DSG1: variants seen among roughly 807,000 people sequenced by gnomAD.
DSG1 encodes the protein desmoglein 1.
Under a neutral mutation model 97.5 loss-of-function variants are expected in DSG1, and 39 were observed. The ratio of observed to expected loss-of-function variants is 0.40; its 90% CI spans 0.31 to 0.52. The LOEUF is 0.52. Among genes scored for constraint, DSG1 ranks in the 20% least tolerant of loss-of-function variants. The pLI, the probability that DSG1 is intolerant of heterozygous loss-of-function variation, is 0.53. For synonymous variants in DSG1, 475 were observed against 443.4 expected (o/e 1.07, Z -0.90); for missense variants, 1,311 against 1,295.4 (o/e 1.01, Z -0.18).
chr18:31,335,530 A>G (rs1354608805), intron 8 of DSG1, among the ~76,000 whole-genome samples: 1 of 150,556 alleles, frequency 6.6e-6, no homozygotes, highest in African/African-American at 2.4e-5. Flanking sequence ...TATATATATT[A>G]TGTGTGTGTA....
intron 9 of DSG1, among the ~76,000 whole-genome samples, chr18:31,337,896 A>AG (rs113933925): frequency 1.3e-5 from 2 of 152,124 alleles, no homozygotes; most frequent in East Asian, 3.8e-4. Flanking sequence ...GAGCAGAAAC[A>AG]GGGGGGAAGT....
Position 31,356,366 on chromosome 18 carries a change from G to A in DSG1, c.*1020G>A, listed in dbSNP as rs1473242000. The A allele has an allele frequency of 2.6e-5, 4 of 151,780 alleles. No homozygotes were observed. In the East Asian group the frequency reaches 7.7e-4, roughly 29 times the overall value. 9.4% of individuals were successfully genotyped at this position (151,780 alleles called of 1,614,324 possible). ...TCTGAAGTTAAAATGATTTACATAG[G>A]CCGAGCTGTGGACAAAAAAAAAAGA... On this transcript the variant is annotated 3_prime_UTR_variant, in exon 15 of 15. Coordinates refer to ENST00000257192, the MANE Select transcript of DSG1 (RefSeq NM_001942.4).
intron 10 of DSG1, 65 bp downstream of exon 10, chr18:31,338,519 AT>A (rs374707566): frequency 7.7e-6 from 12 of 1,552,332 alleles, no homozygotes; most frequent in African/African-American, 6.8e-5. Context: ...AGATATTAAC[AT>A]TTTAACTATC....
intron 8 of DSG1, among the ~76,000 whole-genome samples, chr18:31,335,558 A>AT (rs5823802): frequency 0.41 from 62,547 of 151,196 alleles, 14,161 homozygotes; most frequent in Non-Finnish European, 0.5. Flanking sequence ...TATACTTTTG[A>AT]TTTTACATCC....
At chr18:31,343,611 G>A (rs367953417) in intron 12 of DSG1, 28 bp downstream of exon 12, 23 of 1,613,922 alleles carry the variant, frequency 1.4e-5, no homozygotes, top group Middle Eastern at 3.3e-4. Flanking sequence ...AGAAATAGCC[G>A]TTGGTAGTCA....
chr18:31,336,953 C>T (rs926698471), intron 9 of DSG1, among the ~76,000 whole-genome samples: 20 of 152,138 alleles, frequency 1.3e-4, no homozygotes, highest in African/African-American at 4.3e-4. Context: ...AATGATTTTC[C>T]GATGGCAAAT....
chr18:31,327,031 A>G, intron 3 of DSG1, 26 bp downstream of exon 3: 1 of 1,613,336 alleles, frequency 6.2e-7, no homozygotes, highest in South Asian at 1.1e-5. Context: ...AAAGCATAAC[A>G]TTGAAAATCA....
intron 3 of DSG1, 73 bp from the exon 4 acceptor site, chr18:31,328,116 A>G: frequency 6.6e-7 from 1 of 1,520,536 alleles, no homozygotes; most frequent in Non-Finnish European, 9.0e-7. Flanking sequence ...ACAACTCTCA[A>G]GAAAGCTGTC....
At chr18:31,322,757 C>A (rs975539177) in intron 1 of DSG1, among the ~76,000 whole-genome samples, 1 of 152,106 alleles carries the variant, frequency 6.6e-6, no homozygotes, top group African/African-American at 2.4e-5. Context: ...TAGAATTCAA[C>A]GCTTAGCAAA....
intron 14 of DSG1, among the ~76,000 whole-genome samples, chr18:31,346,612 G>A (rs995538870): frequency 4.6e-5 from 7 of 152,030 alleles, no homozygotes; most frequent in African/African-American, 1.7e-4. Flanking sequence ...ATCCCACTAT[G>A]TCTCTCACAA....
chr18:31,335,408 T>C (rs2071745626), intron 8 of DSG1, among the ~76,000 whole-genome samples: 1 of 152,162 alleles, frequency 6.6e-6, no homozygotes, highest in Non-Finnish European at 1.5e-5. Flanking sequence ...TATATTACTT[T>C]AGAAAATTAT....
chr18:31,331,287 T>C (rs1356146596), intron 5 of DSG1, among the ~76,000 whole-genome samples: 1 of 152,122 alleles, frequency 6.6e-6, no homozygotes, highest in Non-Finnish European at 1.5e-5. Context: ...AGGATGGCAG[T>C]AATATCATCC....
chr18:31,333,934 G>C, intron 7 of DSG1, 83 bp from the exon 8 acceptor site: 1 of 1,170,214 alleles, frequency 8.5e-7, no homozygotes, highest in African/African-American at 1.5e-5. Context: ...AAATAATGAA[G>C]TTATCAACAT....
intron 8 of DSG1, among the ~76,000 whole-genome samples, chr18:31,334,900 G>A (rs138825278): frequency 4.3e-4 from 66 of 152,210 alleles, no homozygotes; most frequent in Admixed American, 3.1e-3. Context: ...TCAAAGTTTC[G>A]CCCTGTGCTA....
At chr18:31,351,275 G>A (rs1039858719) in intron 14 of DSG1, among the ~76,000 whole-genome samples, 1,510 of 150,282 alleles carry the variant, frequency 0.01, 36 homozygotes, top group African/African-American at 0.036. Context: ...GTAGTTGAGC[G>A]GTTTTAAGTG....
chr18:31,352,616 G>A (rs1242742782), intron 14 of DSG1, among the ~76,000 whole-genome samples: 1 of 149,462 alleles, frequency 6.7e-6, no homozygotes, highest in Non-Finnish European at 1.5e-5. Context: ...CCAATCAGAC[G>A]TAGATTTGGT....
In DSG1 at chr18:31,354,344, CTGTT is replaced by C. The variant is rs757767867; in HGVS notation, c.2151_2154del (p.Leu718SerfsTer8). The C allele has an allele frequency of 1.9e-6, 3 of 1,614,216 alleles. No individual in the cohort carries two copies. Among genetic ancestry groups the C allele is most frequent in the South Asian group, 1.1e-5 (1 of 91,088 alleles). ...AAGATGAAGGACGCCCATCTAATGA[CTGTT>C]TGCTCATATATGACATCGAAGGTGT... On this transcript the variant is annotated frameshift_variant, in exon 15 of 15. Transcript: ENST00000257192. LOFTEE classifies it high-confidence loss of function.
chr18:31,322,315 T>A (rs2071659400), intron 1 of DSG1, among the ~76,000 whole-genome samples: 1 of 152,228 alleles, frequency 6.6e-6, no homozygotes, highest in Non-Finnish European at 1.5e-5. Flanking sequence ...TTCTGGATAG[T>A]TTATACAGCT....
In DSG1 at chr18:31,318,207, T is replaced by C; in HGVS notation, c.-94T>C. The C allele has an allele frequency of 8.9e-7, 1 of 1,123,698 alleles. No individual in the cohort carries two copies. Among genetic ancestry groups the C allele is most frequent in the Non-Finnish European group, 1.4e-6 (1 of 733,958 alleles). 69.6% of individuals were successfully genotyped at this position (1,123,698 alleles called of 1,614,324 possible). On this transcript the variant is annotated 5_prime_UTR_variant, in exon 1 of 15. Transcript: ENST00000257192. ...GTAAGAACATCTACTGAGAAATTAT[T>C]TTAATCAGACACCAGCTGAGTGGGA...
Sources: gnomAD v4.1 joint callset for allele counts (sites outside exome capture counted in the v4.1 genomes callset) on GRCh38, gnomAD v4.1.1 for gene constraint, MANE v1.5 for transcripts, NCBI Gene and HGNC (gene_info 2026-07-23, HGNC 2026-07-21) for gene names.